The following TMEM165 variants were observed in gnomAD, a reference collection of about 807,000 sequenced individuals.
The protein encoded by TMEM165 is putative divalent cation/proton antiporter TMEM165.
In TMEM165, 19 loss-of-function variants were observed where a neutral mutation model predicts 30.0. The observed-to-expected ratio is 0.63, with a 90% confidence interval of 0.44 to 0.93. The LOEUF (loss-of-function observed/expected upper bound fraction) is 0.93, where lower values mean the gene tolerates loss of function less well. Among genes scored for constraint, TMEM165 ranks in the 40% least tolerant of loss-of-function variants. The pLI is 0.00. For synonymous variants in TMEM165, 168 were observed against 162.9 expected (o/e 1.03, Z -0.24); for missense variants, 340 against 417.0 (o/e 0.82, Z 1.61).
chr4:55,421,899 T>C (rs989938525), intron 4 of TMEM165, among the ~76,000 whole-genome samples: 6 of 123,400 alleles, frequency 4.9e-5, no homozygotes, highest in African/African-American at 1.6e-4. Flanking sequence ...ACCAATTTTT[T>C]CTCATCCTTT....
intron 3 of TMEM165, among the ~76,000 whole-genome samples, chr4:55,442,797 A>G (rs938434840): frequency 3.9e-5 from 6 of 152,098 alleles, no homozygotes; most frequent in Non-Finnish European, 8.8e-5. Flanking sequence ...GACTCGTGGT[A>G]ACTGAGAATG....
In TMEM165 at chr4:55,396,268, GC is replaced by G. The variant is rs1468720910; in HGVS notation, c.83del (p.Pro28ArgfsTer89). On this transcript the variant is annotated frameshift_variant, in exon 1 of 6. Coordinates refer to ENST00000381334, the MANE Select transcript of TMEM165 (RefSeq NM_018475.5). LOFTEE classifies it high-confidence loss of function. ...GCTCTTTCTGGTTCCGCTGCTGTGGGCCCCGGCTGCGGTCCGGGCCGGCCCA... is the reference window on the plus strand; with the variant it reads ...GCTCTTTCTGGTTCCGCTGCTGTGGGCCCGGCTGCGGTCCGGGCCGGCCCA... Reference protein sequence around the residue: ...LLLFLVPLLWAPAAVRAGPDE... With the variant: ...LLLFLVPLLWXPAAVRAGPDE... The G allele has an allele frequency of 1.1e-5, 16 of 1,520,270 alleles. No homozygotes were observed. Among genetic ancestry groups the G allele is most frequent in the African/African-American group, 1.4e-5 (1 of 69,816 alleles). The allele number at this position is 1,520,270 out of a possible 1,614,324, so 94.2% of individuals were successfully genotyped here.
In TMEM165 at chr4:55,421,876, A is replaced by G. The variant is rs146857478; in HGVS notation, c.793-2662A>G. Among the ~76,000 whole-genome samples, 588 of 151,346 alleles carry G rather than the reference A, an allele frequency of 3.9e-3. 1 individual carries two copies. The highest frequency in any genetic ancestry group is 6.4e-3 in the Non-Finnish European group (435 of 67,934). On this transcript the variant is annotated intron_variant, in intron 4 of 5. Coordinates refer to ENST00000381334, the MANE Select transcript of TMEM165 (RefSeq NM_018475.5). ...CCTTTCTCCCAGCCGTTTTGTGAGC[A>G]TTGTTCGTGTGTACCAATTTTTTCT...
chr4:55,442,875 A>G (rs11945370), intron 3 of TMEM165, among the ~76,000 whole-genome samples: 51,235 of 151,848 alleles, frequency 0.34, 9,338 homozygotes, highest in East Asian at 0.58. Context: ...TGTAATAGAG[A>G]TGATATAAAA....
At position 55,403,516 on chromosome 4, in the gene TMEM165, A is replaced by T. The variant is rs28433072; in HGVS notation, c.207+7120A>T. ...TCTTTTTCTTTTTTTTTTTTTTACA[A>T]TTTTTACATTTGGAATTAAAATTTT... is the stretch of plus-strand genomic sequence containing the variant. On this transcript the variant is annotated intron_variant, in intron 1 of 5. Coordinates refer to ENST00000381334, the MANE Select transcript of TMEM165 (RefSeq NM_018475.5). Among the ~76,000 whole-genome samples, 74 of 128,198 alleles carry T rather than the reference A, an allele frequency of 5.8e-4. 3 individuals carry two copies. The highest frequency in any genetic ancestry group is 6.9e-4 in the East Asian group (3 of 4,372). The allele number at this position is 128,198 out of a possible 152,430, so 84.1% of individuals were successfully genotyped here.
downstream of TMEM165, chr4:55,426,249 T>TAACA (rs1173728544): frequency 3.9e-5 from 6 of 152,216 alleles, no homozygotes; most frequent in Admixed American, 1.3e-4. Flanking sequence ...GTAAAAACAC[T>TAACA]AACATATTAA....
intron 3 of TMEM165, chr4:55,434,568 C>T (rs915535424): frequency 1.1e-4 from 16 of 149,470 alleles, no homozygotes; most frequent in African/African-American, 3.4e-4. Flanking sequence ...ACTTGAAAAT[C>T]CTGTTGTATC....
At chr4:55,445,753 G>A (rs1723792972) in intron 3 of TMEM165, among the ~76,000 whole-genome samples, 1 of 151,250 alleles carries the variant, frequency 6.6e-6, no homozygotes, top group Admixed American at 6.6e-5. Context: ...ACCACACCTG[G>A]CTAACATAAA....
intron 3 of TMEM165, chr4:55,438,488 C>A: frequency 6.2e-7 from 1 of 1,613,736 alleles, no homozygotes; most frequent in Non-Finnish European, 8.5e-7. Flanking sequence ...GCCCCACAAG[C>A]TACAGGAGCA....
chr4:55,403,360 C>G (rs1416943902), intron 1 of TMEM165: 1 of 1,166,998 alleles, frequency 8.6e-7, no homozygotes, highest in Non-Finnish European at 1.1e-6. Flanking sequence ...AATTTCAATA[C>G]AGTCACATTT....
chr4:55,453,209 G>T, exon 4 of TMEM165: 1 of 1,131,616 alleles, frequency 8.8e-7, no homozygotes, highest in Non-Finnish European at 1.3e-6. Context: ...ATTCAGTGTT[G>T]TTACGTGTCT....
intron 1 of TMEM165, chr4:55,403,205 A>T: frequency 8.2e-7 from 1 of 1,221,246 alleles, no homozygotes; most frequent in South Asian, 1.3e-5. Flanking sequence ...TTGATAACTT[A>T]TTGAGCAACT....
intron 1 of TMEM165, among the ~76,000 whole-genome samples, chr4:55,400,248 ATATTATATTAAT>A (rs1720904383): frequency 1.7e-5 from 1 of 58,676 alleles, no homozygotes; most frequent in Non-Finnish European, 3.2e-5. Context: ...AATTAATATT[ATATTATATTAAT>A]ATATAATATA....
chr4:55,400,375 A>C (rs1431893642), intron 1 of TMEM165, among the ~76,000 whole-genome samples: 1 of 44,286 alleles, frequency 2.3e-5, no homozygotes, highest in African/African-American at 5.0e-5. Context: ...AATTATATTA[A>C]TATAATAATA....
intron 3 of TMEM165, chr4:55,442,247 C>T: frequency 1.7e-6 from 1 of 599,368 alleles, no homozygotes; most frequent in South Asian, 2.2e-5. Flanking sequence ...TTTGTTGTTA[C>T]CCTTTAATTA....
chr4:55,411,223 A>G (rs1721482424), intron 1 of TMEM165, among the ~76,000 whole-genome samples: 1 of 152,154 alleles, frequency 6.6e-6, no homozygotes, highest in Non-Finnish European at 1.5e-5. Context: ...TTATATGTAA[A>G]TCTGCATTAT....
chr4:55,402,119 C>CAAAAAAAAAAAA (rs71194551), intron 1 of TMEM165, among the ~76,000 whole-genome samples: 1 of 107,034 alleles, frequency 9.3e-6, no homozygotes, highest in African/African-American at 4.9e-5. Context: ...ACTCTGTCTC[C>CAAAAAAAAAAAA]AAAAAAAAAA....
intron 1 of TMEM165, among the ~76,000 whole-genome samples, chr4:55,398,537 G>T (rs1199586726): frequency 6.6e-6 from 1 of 152,146 alleles, no homozygotes; most frequent in African/African-American, 2.4e-5. Context: ...ATGGTTTATT[G>T]GATTGTATGC....
chr4:55,432,482 T>C (rs1161876365), intron 3 of TMEM165: 1 of 151,296 alleles, frequency 6.6e-6, no homozygotes, highest in Non-Finnish European at 1.5e-5. Context: ...GACTTTTTTT[T>C]TTTTTTTTTT....
Sources: gnomAD v4.1 joint callset for allele counts (sites outside exome capture counted in the v4.1 genomes callset) on GRCh38, gnomAD v4.1.1 for gene constraint, MANE v1.5 for transcripts, NCBI Gene and HGNC (gene_info 2026-07-23, HGNC 2026-07-21) for gene names.